Variants in RIC8B observed in about 807,000 individuals in gnomAD.
RIC8B encodes the protein chaperone Ric-8B.
A neutral mutation model predicts 57.5 loss-of-function variants in RIC8B; 16 were observed. The ratio of observed to expected loss-of-function variants is 0.28; its 90% CI spans 0.19 to 0.42. The LOEUF (loss-of-function observed/expected upper bound fraction) is 0.42, where lower values mean the gene tolerates loss of function less well. Ranked by LOEUF, RIC8B falls within the 10% of genes least tolerant of loss-of-function variation. The pLI is 1.00. For synonymous variants in RIC8B, 216 were observed against 250.8 expected, an observed-to-expected ratio of 0.86 and a Z score of 1.31; for missense variants, 481 against 677.0, an observed-to-expected ratio of 0.71 and a Z score of 3.21.
rs533049205 is a variant in RIC8B at position 106,877,462 on chromosome 12, A to C, written c.1571+6520A>C. Among the ~76,000 whole-genome samples, 18 of 152,322 alleles carry C rather than the reference A, an allele frequency of 1.2e-4. 1 individual carries two copies. In the Middle Eastern group the frequency reaches 0.01, roughly 86 times the overall value. Reference sequence around the variant, plus strand: ...TTAGAAGAGAACTAAGATTTAGAGGACATGCATTACTGCTTTTTCATTCCA... The same window carrying C: ...TTAGAAGAGAACTAAGATTTAGAGGCCATGCATTACTGCTTTTTCATTCCA... On this transcript the variant is annotated intron_variant, in intron 9 of 9. Transcript: ENST00000392837.
Position 106,784,054 on chromosome 12 carries a change from G to A in RIC8B, c.132+10G>A, listed in dbSNP as rs768364000. On this transcript the variant is annotated intron_variant, in intron 2 of 9. Transcript: ENST00000392837. ...TGAAGATAAAAGAAAGGTAAGCCTT[G>A]GTGTTGCTCTGTGAATGTTTATGTG... is the stretch of plus-strand genomic sequence containing the variant. 3 of 1,612,734 alleles carry A rather than the reference G, an allele frequency of 1.9e-6. No individual in the cohort carries two copies. The highest frequency in any genetic ancestry group is 2.5e-6 in the Non-Finnish European group (3 of 1,179,058).
intron 2 of RIC8B, among the ~76,000 whole-genome samples, chr12:106,792,198 G>A (rs2044287053): frequency 6.6e-6 from 1 of 152,154 alleles, no homozygotes; most frequent in Non-Finnish European, 1.5e-5. Context: ...CTTGACTTAG[G>A]TCTGGGTTGT....
chr12:106,834,774 G>T lies in RIC8B; in HGVS notation c.837-7815G>T, dbSNP rs189355314. Among the ~76,000 whole-genome samples, 696 of 152,092 alleles carry T rather than the reference G, an allele frequency of 4.6e-3. 4 individuals are homozygous for T. Among genetic ancestry groups the T allele is most frequent in the African/African-American group, 0.016 (672 of 41,500 alleles). On this transcript the variant is annotated intron_variant, in intron 4 of 9. Coordinates refer to ENST00000392837, the MANE Select transcript of RIC8B (RefSeq NM_001330145.2). Reference sequence around the variant, plus strand: ...CGAGGCAGGCAGATCACGAGGTCAAGAGATCGAGACCATCCTGGCTAACAC... The same window carrying T: ...CGAGGCAGGCAGATCACGAGGTCAATAGATCGAGACCATCCTGGCTAACAC...
intron 4 of RIC8B, among the ~76,000 whole-genome samples, chr12:106,830,752 C>T (rs973844257): frequency 1.3e-5 from 2 of 152,128 alleles, no homozygotes; most frequent in African/African-American, 4.8e-5. Context: ...TTAAGACCCT[C>T]CCTCCCCCTC....
chr12:106,789,970 T>A (rs906140504), intron 2 of RIC8B, among the ~76,000 whole-genome samples: 1 of 152,060 alleles, frequency 6.6e-6, no homozygotes, highest in Non-Finnish European at 1.5e-5. Context: ...TTTTAGGAGA[T>A]AATTATAAAT....
intron 9 of RIC8B, among the ~76,000 whole-genome samples, chr12:106,872,165 A>G (rs76628681): frequency 0.016 from 2,417 of 152,344 alleles, 23 homozygotes; most frequent in African/African-American, 0.03. Flanking sequence ...GCCTCTTTGC[A>G]AATTACATTC....
chr12:106,805,985 T>C (rs2044998029), intron 2 of RIC8B, among the ~76,000 whole-genome samples: 1 of 152,156 alleles, frequency 6.6e-6, no homozygotes, highest in South Asian at 2.1e-4. Context: ...GTTTTGCTCT[T>C]GTTGCCCAGG....
intron 2 of RIC8B, among the ~76,000 whole-genome samples, chr12:106,805,126 G>T (rs2044947934): frequency 1.3e-5 from 2 of 152,112 alleles, no homozygotes; most frequent in Admixed American, 6.5e-5. Context: ...TTTATTTCAG[G>T]TATCTACTAT....
chr12:106,853,954 A>G (rs532716387), intron 7 of RIC8B, among the ~76,000 whole-genome samples: 2 of 152,220 alleles, frequency 1.3e-5, no homozygotes, highest in African/African-American at 2.4e-5. Flanking sequence ...TCAAATGCCT[A>G]CAGCAGCCAG....
chr12:106,780,076 A>G (rs1171801511), intron 1 of RIC8B, among the ~76,000 whole-genome samples: 2 of 152,136 alleles, frequency 1.3e-5, no homozygotes, highest in Non-Finnish European at 2.9e-5. Flanking sequence ...ATTATCAACA[A>G]CAAACTGTGA....
chr12:106,815,588 G>A (rs1441015364), intron 3 of RIC8B, among the ~76,000 whole-genome samples: 2 of 152,132 alleles, frequency 1.3e-5, no homozygotes, highest in Admixed American at 6.5e-5. Flanking sequence ...TAAGAGTGCC[G>A]CTTTCAGGAA....
At chr12:106,829,891 C>T (rs978121486) in intron 4 of RIC8B, among the ~76,000 whole-genome samples, 9 of 152,138 alleles carry the variant, frequency 5.9e-5, no homozygotes, top group Admixed American at 4.6e-4. Context: ...GATCATTGTG[C>T]AAGTATTTAT....
At chr12:106,812,197 C>T (rs2045365003) in intron 2 of RIC8B, among the ~76,000 whole-genome samples, 1 of 152,178 alleles carries the variant, frequency 6.6e-6, no homozygotes, top group Admixed American at 6.5e-5. Flanking sequence ...TCAAGAACAA[C>T]TATGATTAAA....
At chr12:106,872,023 G>T (rs1450775569) in intron 9 of RIC8B, among the ~76,000 whole-genome samples, 1 of 152,170 alleles carries the variant, frequency 6.6e-6, no homozygotes, top group Non-Finnish European at 1.5e-5. Flanking sequence ...GGAGTAAATA[G>T]CTTAATTATC....
At position 106,777,133 on chromosome 12, in the gene RIC8B, G is replaced by A. The variant is rs1253478871; in HGVS notation, c.84+2304G>A. 2.6e-5 allele frequency among the ~76,000 whole-genome samples: 4 copies of A among 152,194 alleles called. No homozygotes were observed. The East Asian group carries it at 5.8e-4, about 22-fold the overall frequency. On this transcript the variant is annotated intron_variant, in intron 1 of 9. Transcript: ENST00000392837. ...TCACCTTGGCCTCCCAAAGTACTGCGATTATAGGTGTAAGGTACTGTGCCT... is the reference window on the plus strand; with the variant it reads ...TCACCTTGGCCTCCCAAAGTACTGCAATTATAGGTGTAAGGTACTGTGCCT...
At chr12:106,793,055 G>A (rs1431259440) in intron 2 of RIC8B, among the ~76,000 whole-genome samples, 1 of 152,114 alleles carries the variant, frequency 6.6e-6, no homozygotes, top group Non-Finnish European at 1.5e-5. Context: ...TGAGAGGTGG[G>A]TCTTACCTCC....
chr12:106,844,834 G>A (rs371665329), intron 6 of RIC8B, among the ~76,000 whole-genome samples: 2 of 151,862 alleles, frequency 1.3e-5, no homozygotes, highest in African/African-American at 4.8e-5. Flanking sequence ...AGTATGGGTT[G>A]AAAAAGAAAA....
intron 3 of RIC8B, among the ~76,000 whole-genome samples, chr12:106,821,934 C>T (rs1342898101): frequency 2.0e-5 from 3 of 151,250 alleles, no homozygotes; most frequent in Admixed American, 6.6e-5. Context: ...AAAAATTAGC[C>T]GGCTGTGGTG....
At chr12:106,847,443 G>T (rs1431136615) in intron 6 of RIC8B, among the ~76,000 whole-genome samples, 1 of 152,142 alleles carries the variant, frequency 6.6e-6, no homozygotes, top group Non-Finnish European at 1.5e-5. Flanking sequence ...TTCTAGAAAT[G>T]GGAGACGTAC....
Sources: allele counts gnomAD v4.1 joint callset (sites outside exome capture counted in the v4.1 genomes callset), GRCh38; gene constraint gnomAD v4.1.1; transcripts MANE v1.5; gene names NCBI Gene and HGNC (gene_info 2026-07-23, HGNC 2026-07-21).